Variants in TRPC5 observed in about 807,000 individuals in gnomAD.
TRPC5 encodes the protein transient receptor potential cation channel subfamily C member 5, also known as short transient receptor potential channel 5.
In TRPC5, 9 loss-of-function variants were observed where a neutral mutation model predicts 56.5. The observed-to-expected ratio is 0.16, with a 90% CI of 0.10 to 0.28. The LOEUF (loss-of-function observed/expected upper bound fraction) is 0.28. Ranked by LOEUF, TRPC5 falls within the 10% of genes least tolerant of loss-of-function variation. The pLI is 1.00. For synonymous variants in TRPC5, 282 were observed against 278.5 expected (o/e 1.01, Z -0.13); for missense variants, 469 against 748.9 (o/e 0.63, Z 4.36).
At chrX:111,896,318 C>T (rs1461745696) in intron 3 of TRPC5, 1 of 110,244 alleles carries the variant, frequency 9.1e-6, no homozygotes, top group Non-Finnish European at 1.9e-5. Flanking sequence ...TCTTTAATCT[C>T]GTCCTTGCTT....
chrX:111,807,993 C>T (rs967730979), intron 7 of TRPC5, among the ~76,000 whole-genome samples: 91 of 75,259 alleles, frequency 1.2e-3, no homozygotes, highest in African/African-American at 0.011. Context: ...TGTGTGTGTG[C>T]ACGCGCTGAG....
intron 1 of TRPC5, among the ~76,000 whole-genome samples, chrX:111,975,183 G>A (rs2097168251): frequency 9.0e-6 from 1 of 111,186 alleles, no homozygotes; most frequent in Non-Finnish European, 1.9e-5. Context: ...GTCAGCAAAA[G>A]GTGGGAGAAT....
At chrX:111,826,859 G>C (rs1460589173) in intron 7 of TRPC5, among the ~76,000 whole-genome samples, 1 of 111,746 alleles carries the variant, frequency 8.9e-6, no homozygotes, top group Non-Finnish European at 1.9e-5. Context: ...GTCCCCTCAG[G>C]ATTATAATGA....
intron 1 of TRPC5, among the ~76,000 whole-genome samples, chrX:112,027,397 A>C (rs1311937163): frequency 8.9e-6 from 1 of 112,211 alleles, no homozygotes; most frequent in Non-Finnish European, 1.9e-5. Flanking sequence ...TAATAGGAGA[A>C]AACACCCTCA....
At chrX:111,937,667 G>C (rs1328266751) in intron 2 of TRPC5, among the ~76,000 whole-genome samples, 2 of 100,335 alleles carry the variant, frequency 2.0e-5, no homozygotes, top group East Asian at 6.3e-4. Flanking sequence ...GATATGCGGC[G>C]TTATTTCTGA....
chrX:111,918,715 CTT>C (rs1185023835), intron 2 of TRPC5, among the ~76,000 whole-genome samples: 1 of 111,478 alleles, frequency 9.0e-6, no homozygotes. Flanking sequence ...CTTGAGGTCT[CTT>C]TGAAGTGAAA....
intron 7 of TRPC5, among the ~76,000 whole-genome samples, chrX:111,832,063 C>T (rs959935143): frequency 1.1e-4 from 12 of 111,607 alleles, no homozygotes; most frequent in Non-Finnish European, 2.3e-4. Flanking sequence ...TAAATCACTG[C>T]TAATTGTCAA....
chrX:111,988,991 T>C (rs1369588049), intron 1 of TRPC5, among the ~76,000 whole-genome samples: 1 of 112,023 alleles, frequency 8.9e-6, no homozygotes, highest in Non-Finnish European at 1.9e-5. Context: ...TGTGCAAATA[T>C]ATGTATAAAG....
At chrX:111,903,515 TAA>T (rs1299980990) in intron 3 of TRPC5, 1 of 112,279 alleles carries the variant, frequency 8.9e-6, no homozygotes, top group East Asian at 2.8e-4. Context: ...GCGATTGACA[TAA>T]GTCATGTATC....
chrX:111,877,894 G>C (rs1924030544), intron 3 of TRPC5, among the ~76,000 whole-genome samples: 1 of 111,363 alleles, frequency 9.0e-6, no homozygotes, highest in African/African-American at 3.3e-5. Context: ...AGTCAATAAA[G>C]AGCGAAATTT....
chrX:112,062,267 G>C (rs375333805), intron 1 of TRPC5, among the ~76,000 whole-genome samples: 1 of 111,732 alleles, frequency 8.9e-6, no homozygotes, highest in Non-Finnish European at 1.9e-5. Context: ...TTACTTTCAG[G>C]GTGTAGAGTA....
At chrX:111,989,988 C>A (rs1359421664) in intron 1 of TRPC5, among the ~76,000 whole-genome samples, 1 of 112,220 alleles carries the variant, frequency 8.9e-6, no homozygotes, top group Non-Finnish European at 1.9e-5. Flanking sequence ...GAGAAAGTTG[C>A]CAGCTTTATC....
chrX:111,923,789 G>A (rs747556127), intron 2 of TRPC5, among the ~76,000 whole-genome samples: 11 of 111,572 alleles, frequency 9.9e-5, no homozygotes, highest in Non-Finnish European at 2.1e-4. Context: ...ATCAGCAGAT[G>A]TGGGTTATTA....
Position 111,952,367 on chromosome X carries a change from G to A in TRPC5, c.54C>T (p.Ile18=), listed in dbSNP as rs142387288. 84 of 1,209,981 alleles carry A rather than the reference G, an allele frequency of 6.9e-5. No homozygotes were observed. The African/African-American group carries it at 1.4e-3, about 20-fold the overall frequency. The change falls in exon 2 of 11, where the codon ATC becomes ATT. Residue 18 remains isoleucine (I), a synonymous_variant. Coordinates refer to ENST00000262839, the MANE Select transcript of TRPC5 (RefSeq NM_012471.3). Reference sequence around the variant, plus strand: ...TCTCAGCCCTCACAATTTGCAGGGGGATGCGGTCTCTGTACGGTGAGTAGT... The same window carrying A: ...TCTCAGCCCTCACAATTTGCAGGGGAATGCGGTCTCTGTACGGTGAGTAGT... ...KVNYSPYRDR[I]PLQIVRAETE...
At chrX:111,929,926 G>T (rs1470768952) in intron 2 of TRPC5, among the ~76,000 whole-genome samples, 1 of 111,796 alleles carries the variant, frequency 8.9e-6, no homozygotes, top group East Asian at 2.8e-4. Flanking sequence ...AAATCACAGA[G>T]TTAGAAGAGA....
intron 1 of TRPC5, among the ~76,000 whole-genome samples, chrX:111,995,218 A>T (rs987595157): frequency 2.7e-5 from 3 of 112,018 alleles, no homozygotes; most frequent in African/African-American, 9.8e-5. Context: ...ATCTACTGAG[A>T]TAATCATGTG....
At chrX:111,940,153 T>C (rs113654613) in intron 2 of TRPC5, among the ~76,000 whole-genome samples, 3,184 of 111,940 alleles carry the variant, frequency 0.028, 119 homozygotes, top group African/African-American at 0.097. Context: ...TATCTCAAGA[T>C]AGGAGCTATC....
chrX:111,965,827 G>A (rs1219057185), intron 1 of TRPC5, among the ~76,000 whole-genome samples: 2 of 111,407 alleles, frequency 1.8e-5, no homozygotes, highest in Admixed American at 9.5e-5. Flanking sequence ...TCAAAGCAGT[G>A]TGTAGAGGGA....
chrX:111,902,420 C>T (rs1925399369), intron 3 of TRPC5: 1 of 228,633 alleles, frequency 4.4e-6, no homozygotes, highest in Non-Finnish European at 7.8e-6. Context: ...TCTCCCTTTA[C>T]CTGTACTTAC....
Sources: gnomAD v4.1 joint callset for allele counts (sites outside exome capture counted in the v4.1 genomes callset) on GRCh38, gnomAD v4.1.1 for gene constraint, MANE v1.5 for transcripts, NCBI Gene and HGNC (gene_info 2026-07-23, HGNC 2026-07-21) for gene names.